The following FRA10AC1 variants were observed in gnomAD, a reference collection of about 807,000 sequenced individuals.
FRA10AC1 encodes the protein FRA10A associated CGG repeat 1.
In FRA10AC1, 43 loss-of-function variants were observed where a neutral mutation model predicts 56.5. That is an observed-to-expected ratio of 0.76 (90% CI 0.60 to 0.98). The LOEUF (loss-of-function observed/expected upper bound fraction) is 0.98. Ranked by LOEUF, FRA10AC1 falls within the 50% of genes least tolerant of loss-of-function variation. The pLI is 0.00. For missense variants in FRA10AC1, 346 were observed against 351.8 expected (o/e 0.98, Z 0.13); for synonymous variants, 112 against 110.5 (o/e 1.01, Z -0.09).
chr10:93,681,874 GTTTC>G (rs1437567128), intron 10 of FRA10AC1, among the ~76,000 whole-genome samples: 1 of 151,680 alleles, frequency 6.6e-6, no homozygotes, highest in Non-Finnish European at 1.5e-5. Flanking sequence ...AATTGTATTT[GTTTC>G]TTTCTTTCTA....
intron 11 of FRA10AC1, 53 bp from the exon 12 acceptor site, chr10:93,676,744 C>T (rs193088314): frequency 1.5e-4 from 226 of 1,507,878 alleles, no homozygotes; most frequent in Non-Finnish European, 2.0e-4. Flanking sequence ...ATAGTGCAAT[C>T]ATTGTAGCTA....
At chr10:93,698,100 A>G in intron 4 of FRA10AC1, 36 bp downstream of exon 4, 1 of 1,209,566 alleles carries the variant, frequency 8.3e-7, no homozygotes. Context: ...AAAATATTCT[A>G]CTAGTTATAA....
rs2069338669 is a variant in FRA10AC1, at chr10:93,693,690, A to G, written c.297-961T>C. On this transcript the variant is annotated intron_variant, in intron 5 of 13. Coordinates refer to ENST00000359204, the MANE Select transcript of FRA10AC1 (RefSeq NM_145246.5). ...ATATACACCATATATATATATATAT[A>G]CCATATATATATACACACACCATTT... 3.1e-5 allele frequency among the ~76,000 whole-genome samples: 3 copies of G among 95,800 alleles called. No individual in the cohort carries two copies. The Admixed American group carries it at 3.5e-4, about 11-fold the overall frequency. 62.8% of individuals were successfully genotyped at this position (95,800 alleles called of 152,430 possible). A position where few individuals can be genotyped will look rare whatever the true frequency, so the allele number is the denominator to read the frequency against.
chr10:93,689,039 C>T (rs991221148), intron 7 of FRA10AC1, among the ~76,000 whole-genome samples: 7 of 146,612 alleles, frequency 4.8e-5, no homozygotes, highest in Admixed American at 1.4e-4. Context: ...CAATGCCTTG[C>T]TAACTTCAGT....
At chr10:93,685,778 G>A (rs540001620) in intron 8 of FRA10AC1, among the ~76,000 whole-genome samples, 1 of 151,360 alleles carries the variant, frequency 6.6e-6, no homozygotes. Context: ...ACTTATAGCT[G>A]GGTGAAACCT....
chr10:93,674,796 T>C (rs2058817514), intron 12 of FRA10AC1: 1 of 152,128 alleles, frequency 6.6e-6, no homozygotes, highest in Non-Finnish European at 1.5e-5. Flanking sequence ...CAAAAGACTT[T>C]TTAAGGATAA....
intron 12 of FRA10AC1, chr10:93,674,281 G>A (rs1316360280): frequency 1.3e-5 from 2 of 152,140 alleles, no homozygotes; most frequent in African/African-American, 4.8e-5. Flanking sequence ...ACTTGTTACT[G>A]TCCCAACAGA....
chr10:93,674,144 T>C (rs937268110), intron 12 of FRA10AC1: 6 of 152,212 alleles, frequency 3.9e-5, no homozygotes, highest in Admixed American at 2.0e-4. Context: ...TTTAAATATA[T>C]ATATTTTTAA....
Position 93,673,799 on chromosome 10 carries a change from G to A in FRA10AC1, c.826+2854C>T, listed in dbSNP as rs1032321409. The A allele has an allele frequency of 2.7e-5, 12 of 450,700 alleles. No individual in the cohort carries two copies. In the East Asian group the frequency reaches 3.5e-4, roughly 13 times the overall value. The allele number at this position is 450,700 out of a possible 1,614,324, so 27.9% of individuals were successfully genotyped here. A position where few individuals can be genotyped will look rare whatever the true frequency, so the allele number is the denominator to read the frequency against. On this transcript the variant is annotated intron_variant, in intron 12 of 13. Coordinates refer to ENST00000359204, the MANE Select transcript of FRA10AC1 (RefSeq NM_145246.5). ...CATTTGATTCTGATAATAATCCAAC[G>A]AAGTAGGTCTCTTTATACCCATTTT...
rs377436750 is a variant in FRA10AC1, at chr10:93,670,591, C to T, written c.905+179G>A. ...GAAAGATTTATTTACCAGGAGGAAG[C>T]TGGATGTGTTGGCTGCTTATGACAA... On this transcript the variant is annotated intron_variant, in intron 13 of 13. Transcript: ENST00000359204. Among the ~76,000 whole-genome samples, 5 of 152,228 alleles carry T rather than the reference C, an allele frequency of 3.3e-5. No homozygotes were observed. The South Asian group carries it at 1.0e-3, about 32-fold the overall frequency.
At chr10:93,689,836 G>A (rs750235468) in intron 7 of FRA10AC1, among the ~76,000 whole-genome samples, 3 of 152,236 alleles carry the variant, frequency 2.0e-5, no homozygotes, top group Admixed American at 2.0e-4. Context: ...GGTCACGTAC[G>A]CAAGCAGTAA....
intron 11 of FRA10AC1, among the ~76,000 whole-genome samples, chr10:93,681,083 G>A (rs2058926547): frequency 6.6e-6 from 1 of 152,062 alleles, no homozygotes; most frequent in South Asian, 2.1e-4. Context: ...ACTGATCAAA[G>A]TCCCTTTCAC....
chr10:93,687,616 C>T, intron 7 of FRA10AC1, 167 bp from the exon 8 acceptor site: 1 of 628,656 alleles, frequency 1.6e-6, no homozygotes, highest in Non-Finnish European at 2.5e-6. Flanking sequence ...GAACAATCAC[C>T]AATTTATCTG....
At chr10:93,689,641 T>C (rs1435458139) in intron 7 of FRA10AC1, among the ~76,000 whole-genome samples, 1 of 152,164 alleles carries the variant, frequency 6.6e-6, no homozygotes, top group African/African-American at 2.4e-5. Flanking sequence ...TAAAATAGTG[T>C]GTCACCAAGA....
intron 12 of FRA10AC1, chr10:93,672,952 A>C (rs2058787701): frequency 6.1e-6 from 1 of 163,986 alleles, no homozygotes; most frequent in Non-Finnish European, 1.3e-5. Context: ...AGAATGCATC[A>C]CTGTCAAATC....
At chr10:93,693,543 T>C (rs2059170477) in intron 5 of FRA10AC1, among the ~76,000 whole-genome samples, 1 of 127,200 alleles carries the variant, frequency 7.9e-6, no homozygotes, top group Non-Finnish European at 1.6e-5. Flanking sequence ...TATATATATA[T>C]ATATACACAC....
chr10:93,679,677 C>T (rs1236671448), intron 11 of FRA10AC1, among the ~76,000 whole-genome samples: 2 of 152,084 alleles, frequency 1.3e-5, no homozygotes, highest in Non-Finnish European at 2.9e-5. Flanking sequence ...AACCTTTTAG[C>T]TTTGTCCAGG....
At chr10:93,691,459 G>A (rs1313512929) in intron 7 of FRA10AC1, among the ~76,000 whole-genome samples, 2 of 152,180 alleles carry the variant, frequency 1.3e-5, no homozygotes, top group Admixed American at 6.5e-5. Context: ...TTACAGGCAT[G>A]AGCCATCACG....
At chr10:93,701,037 T>C (rs1201884533) in intron 1 of FRA10AC1, among the ~76,000 whole-genome samples, 1 of 152,118 alleles carries the variant, frequency 6.6e-6, no homozygotes, top group Non-Finnish European at 1.5e-5. Flanking sequence ...GGTTTCGCCA[T>C]GTTGCCCACG....
Sources: allele counts gnomAD v4.1 joint callset (sites outside exome capture counted in the v4.1 genomes callset), GRCh38; gene constraint gnomAD v4.1.1; transcripts MANE v1.5; gene names NCBI Gene and HGNC (gene_info 2026-07-23, HGNC 2026-07-21).